RANBP2: variants seen among roughly 807,000 people sequenced by gnomAD.
RANBP2 encodes the protein E3 SUMO-protein ligase RanBP2.
In RANBP2, 57 loss-of-function variants were observed where a neutral mutation model predicts 303.6. That is an observed-to-expected ratio of 0.19 (90% CI 0.15 to 0.23). The LOEUF is 0.23. RANBP2 is among the 10% of genes least tolerant of loss of function. The pLI, the probability that RANBP2 is intolerant of heterozygous loss-of-function variation, is 1.00. For synonymous variants in RANBP2, 1,167 were observed against 1,301.5 expected (o/e 0.90, Z 2.23); for missense variants, 3,138 against 3,780.8 (o/e 0.83, Z 4.46).
At chr2:109,563,748 TAA>T in the RANBP2 span, among the ~76,000 whole-genome samples, 2 of 152,212 alleles carry the variant, frequency 1.3e-5, no homozygotes, top group Non-Finnish European at 2.9e-5. Context: ...TCTTCCTTTA[TAA>T]TATGTTTTGC....
chr2:109,297,584 A>C, the RANBP2 span, among the ~76,000 whole-genome samples: 1 of 117,274 alleles, frequency 8.5e-6, no homozygotes. Flanking sequence ...CAGTGTCCCC[A>C]ACCCAGTCAG....
the RANBP2 span, among the ~76,000 whole-genome samples, chr2:109,563,957 C>CA: frequency 6.6e-6 from 1 of 152,032 alleles, no homozygotes; most frequent in Non-Finnish European, 1.5e-5. Flanking sequence ...CCTGTCTCTA[C>CA]AAAAAATAAA....
At chr2:109,680,433 G>A in the RANBP2 span, among the ~76,000 whole-genome samples, 2 of 151,638 alleles carry the variant, frequency 1.3e-5, no homozygotes, top group African/African-American at 4.8e-5. Flanking sequence ...TAAAAGAATT[G>A]TGTGTGCTTA....
chr2:109,269,313 A>G, the RANBP2 span, among the ~76,000 whole-genome samples: 1 of 152,238 alleles, frequency 6.6e-6, no homozygotes, highest in Non-Finnish European at 1.5e-5. Flanking sequence ...AGCAGCCAAG[A>G]TGGGAAAACC....
chr2:108,963,714 C>T, the RANBP2 span, among the ~76,000 whole-genome samples: 1,496 of 152,324 alleles, frequency 9.8e-3, 19 homozygotes, highest in African/African-American at 0.033. Context: ...ATGTTGCGGC[C>T]AATTCTGGGC....
chr2:109,305,885 A>G, the RANBP2 span, among the ~76,000 whole-genome samples: 22 of 152,192 alleles, frequency 1.4e-4, no homozygotes, highest in Non-Finnish European at 2.8e-4. Flanking sequence ...CCTTTCCCAC[A>G]CCAGGAGTTC....
the RANBP2 span, among the ~76,000 whole-genome samples, chr2:109,635,399 C>T: frequency 6.6e-6 from 1 of 152,122 alleles, no homozygotes; most frequent in Admixed American, 6.5e-5. Context: ...GCCAGGCTGG[C>T]CTCGAACTCC....
At chr2:109,648,816 G>A in the RANBP2 span, among the ~76,000 whole-genome samples, 1 of 151,954 alleles carries the variant, frequency 6.6e-6, no homozygotes, top group Admixed American at 6.6e-5. Flanking sequence ...ACCACTTCGG[G>A]CTCATTTTTG....
the RANBP2 span, among the ~76,000 whole-genome samples, chr2:108,813,086 A>G: frequency 6.6e-6 from 1 of 151,754 alleles, no homozygotes; most frequent in Non-Finnish European, 1.5e-5. Context: ...CGTTTCTACT[A>G]AAAATACAGA....
the RANBP2 span, among the ~76,000 whole-genome samples, chr2:108,880,262 CA>C: frequency 3.3e-5 from 5 of 150,448 alleles, no homozygotes; most frequent in South Asian, 1.1e-3. Flanking sequence ...TTGCTAATAC[CA>C]AAAATGATAG....
chr2:109,582,520 C>CCAT, the RANBP2 span, among the ~76,000 whole-genome samples: 2 of 152,194 alleles, frequency 1.3e-5, no homozygotes, highest in East Asian at 1.9e-4. Flanking sequence ...CGAGGTCCCA[C>CCAT]CATGTTGCCC....
At chr2:109,548,834 A>C in the RANBP2 span, among the ~76,000 whole-genome samples, 1 of 151,812 alleles carries the variant, frequency 6.6e-6, no homozygotes, top group African/African-American at 2.4e-5. Context: ...TTTCACTGAA[A>C]ATCAGAGACT....
the RANBP2 span, among the ~76,000 whole-genome samples, chr2:109,739,979 ATTTTC>A: frequency 4.7e-5 from 7 of 148,318 alleles, no homozygotes; most frequent in South Asian, 8.7e-4. Context: ...GGGGCATAAC[ATTTTC>A]TTTTCTTTTC....
chr2:109,574,204 C>G, the RANBP2 span, among the ~76,000 whole-genome samples: 4 of 150,858 alleles, frequency 2.7e-5, no homozygotes, highest in South Asian at 6.3e-4. Context: ...TTCAAGAGAC[C>G]AAGGAAGGAA....
chr2:108,851,014 G>A, the RANBP2 span, among the ~76,000 whole-genome samples: 4 of 152,154 alleles, frequency 2.6e-5, no homozygotes, highest in Non-Finnish European at 4.4e-5. Context: ...TTGCAAGTCC[G>A]GCCCTCTGGA....
At chr2:108,829,442 C>T in the RANBP2 span, among the ~76,000 whole-genome samples, 16 of 152,288 alleles carry the variant, frequency 1.1e-4, no homozygotes, top group Admixed American at 1.0e-3. Context: ...CCACTTAACA[C>T]CTATTAGAAT....
the RANBP2 span, among the ~76,000 whole-genome samples, chr2:109,506,410 C>A: frequency 6.6e-6 from 1 of 152,210 alleles, no homozygotes; most frequent in Admixed American, 6.5e-5. Context: ...ACACAGGTGG[C>A]CATGGCACAA....
the RANBP2 span, among the ~76,000 whole-genome samples, chr2:109,150,471 T>C: frequency 1.3e-5 from 2 of 152,172 alleles, no homozygotes; most frequent in Non-Finnish European, 2.9e-5. Context: ...CTTAGAAAAA[T>C]AGTTTTTTTA....
the RANBP2 span, among the ~76,000 whole-genome samples, chr2:109,466,364 A>G: frequency 3.3e-5 from 5 of 152,308 alleles, no homozygotes; most frequent in African/African-American, 9.6e-5. Flanking sequence ...TATAGGCGTG[A>G]GTCCTGCGCC....
Sources: allele counts gnomAD v4.1 joint callset (sites outside exome capture counted in the v4.1 genomes callset), GRCh38; gene constraint gnomAD v4.1.1; transcripts MANE v1.5; gene names NCBI Gene and HGNC (gene_info 2026-07-23, HGNC 2026-07-21).